ACSS3: variants seen among roughly 807,000 people sequenced by gnomAD.
ACSS3 encodes acyl-CoA synthetase short chain family member 3.
A neutral mutation model predicts 84.2 loss-of-function variants in ACSS3; 64 were observed. The ratio of observed to expected loss-of-function variants is 0.76; its 90% CI spans 0.62 to 0.94. The LOEUF is 0.94. Among genes scored for constraint, ACSS3 ranks in the 40% least tolerant of loss-of-function variants. ACSS3 has a pLI of 0.00. For synonymous variants in ACSS3, 317 were observed against 310.1 expected, an observed-to-expected ratio of 1.02 and a Z score of -0.23; for missense variants, 815 against 867.6, an observed-to-expected ratio of 0.94 and a Z score of 0.76.
chr12:81,235,647 G>A (rs562930274), intron 13 of ACSS3, among the ~76,000 whole-genome samples: 1 of 151,212 alleles, frequency 6.6e-6, no homozygotes, highest in African/African-American at 2.4e-5. Context: ...GATTTCTTTG[G>A]TATGTTTCTT....
At chr12:81,209,667 AG>A (rs1489899196) in intron 9 of ACSS3, among the ~76,000 whole-genome samples, 1 of 152,214 alleles carries the variant, frequency 6.6e-6, no homozygotes, top group Non-Finnish European at 1.5e-5. Flanking sequence ...AGGAAAGTAA[AG>A]GAAAAAAAGA....
chr12:81,160,936 T>A (rs181162190), intron 7 of ACSS3, among the ~76,000 whole-genome samples: 2 of 152,364 alleles, frequency 1.3e-5, no homozygotes, highest in Admixed American at 6.5e-5. Flanking sequence ...ATAATACCTA[T>A]GGCATTCAAT....
intron 2 of ACSS3, among the ~76,000 whole-genome samples, chr12:81,121,623 C>T (rs1245775223): frequency 6.6e-6 from 1 of 152,058 alleles, no homozygotes; most frequent in African/African-American, 2.4e-5. Context: ...ACCCACAAAG[C>T]TAATCAAGCT....
intron 8 of ACSS3, among the ~76,000 whole-genome samples, chr12:81,181,031 CT>C (rs2030884377): frequency 6.6e-6 from 1 of 152,058 alleles, no homozygotes; most frequent in Admixed American, 6.6e-5. Flanking sequence ...GAGTATTTTA[CT>C]TTTATGTTTC....
intron 1 of ACSS3, among the ~76,000 whole-genome samples, chr12:81,102,364 C>T (rs1476498062): frequency 1.3e-5 from 2 of 152,066 alleles, no homozygotes; most frequent in Non-Finnish European, 2.9e-5. Context: ...AGAAACTCCT[C>T]CTATCTCAGA....
chr12:81,156,400 T>C (rs1261524764), intron 7 of ACSS3, among the ~76,000 whole-genome samples: 1 of 151,836 alleles, frequency 6.6e-6, no homozygotes, highest in Non-Finnish European at 1.5e-5. Flanking sequence ...CTCAAGATCC[T>C]AGGAAAAGAG....
intron 9 of ACSS3, among the ~76,000 whole-genome samples, chr12:81,211,859 T>C (rs962765315): frequency 6.6e-6 from 1 of 152,220 alleles, no homozygotes; most frequent in African/African-American, 2.4e-5. Context: ...TCACTATTTC[T>C]CTGACCTTAT....
chr12:81,157,594 G>C (rs935940199), intron 7 of ACSS3, among the ~76,000 whole-genome samples: 1 of 152,252 alleles, frequency 6.6e-6, no homozygotes, highest in East Asian at 1.9e-4. Context: ...AGATCATGAG[G>C]TCAGGAGTTC....
At chr12:81,184,795 T>TTTTA (rs1360135915) in intron 8 of ACSS3, among the ~76,000 whole-genome samples, 2 of 151,754 alleles carry the variant, frequency 1.3e-5, no homozygotes, top group Admixed American at 6.6e-5. Flanking sequence ...TAGAGCTGAA[T>TTTTA]TTTACCAAAC....
rs1486749719 is a variant in ACSS3, at chr12:81,256,874, C to A, written c.*1952C>A. 1 of 152,130 alleles carries A rather than the reference C, an allele frequency of 6.6e-6. No homozygotes were observed. The highest frequency in any genetic ancestry group is 1.5e-5 in the Non-Finnish European group (1 of 68,016). 9.4% of individuals were successfully genotyped at this position (152,130 alleles called of 1,614,324 possible). Reference sequence around the variant, plus strand: ...ATTAAACCAGCTACATAGACACTCTCTCATTTGAAGCTGTTGGGATCCTTG... The same window carrying A: ...ATTAAACCAGCTACATAGACACTCTATCATTTGAAGCTGTTGGGATCCTTG... On this transcript the variant is annotated 3_prime_UTR_variant, in exon 16 of 16. Coordinates refer to ENST00000548058, the MANE Select transcript of ACSS3 (RefSeq NM_024560.4).
chr12:81,087,283 G>A (rs959626576), intron 1 of ACSS3, among the ~76,000 whole-genome samples: 1 of 152,042 alleles, frequency 6.6e-6, no homozygotes, highest in Non-Finnish European at 1.5e-5. Context: ...CTTCTCTTAA[G>A]GTGTTTATGG....
intron 10 of ACSS3, among the ~76,000 whole-genome samples, chr12:81,217,821 C>T (rs141583981): frequency 0.01 from 1,577 of 151,940 alleles, 20 homozygotes; most frequent in Non-Finnish European, 0.015. Flanking sequence ...CTAGGCAACA[C>T]AGCAAGACTC....
chr12:81,249,353 T>G (rs1012275807), intron 13 of ACSS3, among the ~76,000 whole-genome samples: 2 of 152,114 alleles, frequency 1.3e-5, no homozygotes, highest in Admixed American at 6.5e-5. Flanking sequence ...ATTTCACTCT[T>G]TCACTTGTAG....
At chr12:81,251,570 G>A (rs1301589101) in intron 13 of ACSS3, among the ~76,000 whole-genome samples, 5 of 150,826 alleles carry the variant, frequency 3.3e-5, no homozygotes, top group Non-Finnish European at 5.9e-5. Flanking sequence ...GGTAGCTTAT[G>A]CCTGTAATCC....
At chr12:81,085,943 C>A (rs1333841015) in intron 1 of ACSS3, among the ~76,000 whole-genome samples, 1 of 152,068 alleles carries the variant, frequency 6.6e-6, no homozygotes, top group African/African-American at 2.4e-5. Context: ...AAAAAAAGTA[C>A]TTTATCTTGT....
chr12:81,089,644 T>G (rs1881545316), intron 1 of ACSS3, among the ~76,000 whole-genome samples: 1 of 152,016 alleles, frequency 6.6e-6, no homozygotes, highest in Admixed American at 6.6e-5. Flanking sequence ...GATTATTCTC[T>G]AGCTTGTTAC....
At chr12:81,127,091 A>G (rs1885150440) in intron 2 of ACSS3, among the ~76,000 whole-genome samples, 1 of 151,852 alleles carries the variant, frequency 6.6e-6, no homozygotes, top group Non-Finnish European at 1.5e-5. Flanking sequence ...TCTTTAAAAG[A>G]AAGATTTTTC....
At position 81,134,764 on chromosome 12, in the gene ACSS3, T is replaced by C. The variant is rs1347818600; in HGVS notation, c.457-52T>C. The C allele has an allele frequency of 5.7e-6, 8 of 1,397,588 alleles. No individual in the cohort carries two copies. In the Admixed American group the frequency reaches 7.3e-5, roughly 13 times the overall value. 86.6% of individuals were successfully genotyped at this position (1,397,588 alleles called of 1,614,324 possible). A position where few individuals can be genotyped will look rare whatever the true frequency, so the allele number is the denominator to read the frequency against. On this transcript the variant is annotated intron_variant, in intron 2 of 15. Coordinates refer to ENST00000548058, the MANE Select transcript of ACSS3 (RefSeq NM_024560.4). ...TAATATTACTGCCTTAAGTTAGAAG[T>C]TTGGTGAAATAATACAAAATACACT... is the stretch of plus-strand genomic sequence containing the variant.
intron 1 of ACSS3, among the ~76,000 whole-genome samples, chr12:81,093,689 C>A (rs983880101): frequency 6.6e-6 from 1 of 151,852 alleles, no homozygotes; most frequent in African/African-American, 2.4e-5. Context: ...ATCCAGCTTC[C>A]CCCAGTAATA....
Sources: gnomAD v4.1 joint callset for allele counts (sites outside exome capture counted in the v4.1 genomes callset) on GRCh38, gnomAD v4.1.1 for gene constraint, MANE v1.5 for transcripts, NCBI Gene and HGNC (gene_info 2026-07-23, HGNC 2026-07-21) for gene names.